OTOGL: variants seen among roughly 807,000 people sequenced by gnomAD.
The protein encoded by OTOGL is otogelin like.
A neutral mutation model predicts 318.5 loss-of-function variants in OTOGL; 285 were observed. The observed-to-expected ratio is 0.89, with a 90% CI of 0.81 to 0.99. The LOEUF is 0.99. Ranked by LOEUF, OTOGL falls within the 50% of genes least tolerant of loss-of-function variation. OTOGL has a pLI of 0.00. For missense variants in OTOGL, 2,899 were observed against 2,845.6 expected, an observed-to-expected ratio of 1.02 and a Z score of -0.43; for synonymous variants, 987 against 936.5, an observed-to-expected ratio of 1.05 and a Z score of -0.99.
rs189165702 is a variant in OTOGL at position 80,371,307 on chromosome 12, G to A, written c.6735+618G>A. Among the ~76,000 whole-genome samples, 432 of 151,884 alleles carry A rather than the reference G, an allele frequency of 2.8e-3. 1 individual carries two copies. Among genetic ancestry groups the A allele is most frequent in the Non-Finnish European group, 4.2e-3 (283 of 67,892 alleles). On this transcript the variant is annotated intron_variant, in intron 56 of 58. Transcript: ENST00000547103. ...CCTAATGAAAACTAGGCTTTGTTCCGTTGTATAGAGAAATAGTACAGTCTA... is the reference window on the plus strand; with the variant it reads ...CCTAATGAAAACTAGGCTTTGTTCCATTGTATAGAGAAATAGTACAGTCTA...
At position 80,378,964 on chromosome 12, in the gene OTOGL, G is replaced by C. The variant is rs902848773; in HGVS notation, c.*916G>C. The C allele has an allele frequency of 9.2e-5, 14 of 152,428 alleles. No homozygotes were observed. The East Asian group carries it at 2.1e-3, about 23-fold the overall frequency. 9.4% of individuals were successfully genotyped at this position (152,428 alleles called of 1,614,324 possible). A position where few individuals can be genotyped will look rare whatever the true frequency, so the allele number is the denominator to read the frequency against. On this transcript the variant is annotated 3_prime_UTR_variant, in exon 59 of 59. Coordinates refer to ENST00000547103, the MANE Select transcript of OTOGL (RefSeq NM_001378609.3). ...TGTCAGTATTTAACATTTAGTTACT[G>C]TCTCATTAATATTTAATTTTGAGGA...
intron 1 of OTOGL, among the ~76,000 whole-genome samples, chr12:80,104,275 A>G (rs1869319216): frequency 6.6e-6 from 1 of 152,232 alleles, no homozygotes; most frequent in African/African-American, 2.4e-5. Context: ...CCAATCTCAC[A>G]TCTCTCCCAT....
intron 26 of OTOGL, among the ~76,000 whole-genome samples, chr12:80,284,995 G>GT (rs1482330175): frequency 1.3e-5 from 2 of 152,122 alleles, no homozygotes; most frequent in Admixed American, 6.5e-5. Flanking sequence ...TTTTTCTAGG[G>GT]TTTTTATGGT....
chr12:80,318,593 C>T lies in OTOGL; in HGVS notation c.3682C>T (p.Leu1228Phe), dbSNP rs1250623280. 1 of 1,443,998 alleles carries T rather than the reference C, an allele frequency of 6.9e-7. No homozygotes were observed. The highest frequency in any genetic ancestry group is 2.9e-5 in the Admixed American group (1 of 34,236). 89.4% of individuals were successfully genotyped at this position (1,443,998 alleles called of 1,614,324 possible). The change falls in exon 33 of 59, where the codon CTT (leucine) becomes TTT (phenylalanine). Residue 1228 changes from leucine to phenylalanine, a missense_variant. Physicochemically the swap from Leu to Phe is conservative, Grantham distance 22. Transcript: ENST00000547103. ...GCTGGCAAGCTATGGGCAGAGTGGC[C>T]TTGTTCTGGGGGCCAATATGACCAG... is the stretch of plus-strand genomic sequence containing the variant. ...YMLASYGQSGLVLGANMTSRS... is the reference protein window; with the variant it reads ...YMLASYGQSGFVLGANMTSRS...
At chr12:80,219,257 A>G (rs1426997090) in intron 5 of OTOGL, among the ~76,000 whole-genome samples, 3 of 152,136 alleles carry the variant, frequency 2.0e-5, no homozygotes, top group Non-Finnish European at 4.4e-5. Flanking sequence ...GACTACAGGC[A>G]TGCACCACCA....
At chr12:80,100,435 C>A (rs1233414362) in intron 1 of OTOGL, among the ~76,000 whole-genome samples, 1 of 151,942 alleles carries the variant, frequency 6.6e-6, no homozygotes, top group East Asian at 1.9e-4. Flanking sequence ...ATCATATGTA[C>A]CCCATAAATA....
chr12:80,316,191 A>C (rs755215950), intron 32 of OTOGL, among the ~76,000 whole-genome samples: 3 of 152,210 alleles, frequency 2.0e-5, no homozygotes, highest in Admixed American at 6.5e-5. Context: ...CCTCCATGCT[A>C]CGTGGCCTAC....
At chr12:80,240,037 G>A (rs1880239205) in intron 11 of OTOGL, among the ~76,000 whole-genome samples, 1 of 152,002 alleles carries the variant, frequency 6.6e-6, no homozygotes, top group South Asian at 2.1e-4. Flanking sequence ...TTTCATCCAT[G>A]TTGTTGCAAA....
intron 30 of OTOGL, among the ~76,000 whole-genome samples, chr12:80,312,675 G>A (rs1324623507): frequency 6.6e-6 from 1 of 152,142 alleles, no homozygotes; most frequent in African/African-American, 2.4e-5. Context: ...TGCTTGACAA[G>A]GAATATTGTG....
intron 24 of OTOGL, among the ~76,000 whole-genome samples, chr12:80,277,088 A>G (rs1349113632): frequency 2.0e-5 from 3 of 149,386 alleles, no homozygotes; most frequent in Non-Finnish European, 4.5e-5. Context: ...CTATTTTAGG[A>G]GCTTTTAATT....
At chr12:80,286,477 A>T (rs1884631625) in intron 26 of OTOGL, among the ~76,000 whole-genome samples, 2 of 152,096 alleles carry the variant, frequency 1.3e-5, no homozygotes, top group African/African-American at 4.8e-5. Flanking sequence ...ACTCTGGTAG[A>T]ATTTGGCTGT....
At chr12:80,112,686 G>A (rs1227304932) in intron 1 of OTOGL, among the ~76,000 whole-genome samples, 1 of 150,318 alleles carries the variant, frequency 6.7e-6, no homozygotes, top group Non-Finnish European at 1.5e-5. Context: ...GTTCATTAGG[G>A]ATATTTGCCT....
chr12:80,346,982 C>T (rs1421082118), intron 44 of OTOGL, among the ~76,000 whole-genome samples: 1 of 152,096 alleles, frequency 6.6e-6, no homozygotes, highest in Non-Finnish European at 1.5e-5. Context: ...ATGTTGATTC[C>T]ACTTCCAAAA....
intron 4 of OTOGL, among the ~76,000 whole-genome samples, chr12:80,212,768 C>T (rs1164854567): frequency 2.0e-5 from 3 of 152,032 alleles, no homozygotes; most frequent in East Asian, 1.9e-4. Flanking sequence ...TTTTTATTAG[C>T]GTTTTGTGAT....
intron 1 of OTOGL, among the ~76,000 whole-genome samples, chr12:80,204,199 A>G (rs1876658201): frequency 6.6e-6 from 1 of 152,184 alleles, no homozygotes; most frequent in Non-Finnish European, 1.5e-5. Context: ...AATTCCTTCT[A>G]AGTTATGTTT....
At chr12:80,187,236 C>T (rs1875354385) in intron 1 of OTOGL, among the ~76,000 whole-genome samples, 2 of 151,362 alleles carry the variant, frequency 1.3e-5, no homozygotes, top group Admixed American at 1.3e-4. Flanking sequence ...GATTTAGGGA[C>T]GACTTAGGCA....
At chr12:80,235,738 T>G (rs1368749688) in intron 9 of OTOGL, among the ~76,000 whole-genome samples, 1 of 152,154 alleles carries the variant, frequency 6.6e-6, no homozygotes, top group African/African-American at 2.4e-5. Flanking sequence ...AACGGAATTA[T>G]AGCTGAACTG....
intron 52 of OTOGL, among the ~76,000 whole-genome samples, chr12:80,362,363 T>C (rs1442156545): frequency 6.6e-6 from 1 of 152,228 alleles, no homozygotes; most frequent in African/African-American, 2.4e-5. Flanking sequence ...GCTGGTACCA[T>C]GCTGTTTTGA....
intron 1 of OTOGL, among the ~76,000 whole-genome samples, chr12:80,168,950 AC>A (rs1423141362): frequency 6.6e-6 from 1 of 152,148 alleles, no homozygotes; most frequent in Admixed American, 6.6e-5. Context: ...CTTTCTGCTA[AC>A]TTGGGCATTT....
Sources: allele counts gnomAD v4.1 joint callset (sites outside exome capture counted in the v4.1 genomes callset), GRCh38; gene constraint gnomAD v4.1.1; transcripts MANE v1.5; gene names NCBI Gene and HGNC (gene_info 2026-07-23, HGNC 2026-07-21).